COL5A1: variants seen among roughly 807,000 people sequenced by gnomAD.
The protein encoded by COL5A1 is collagen type V alpha 1 chain, also known as collagen alpha-1(V) chain.
A neutral mutation model predicts 263.7 loss-of-function variants in COL5A1; 16 were observed. The observed-to-expected ratio is 0.06, with a 90% CI of 0.04 to 0.09. COL5A1 has a LOEUF of 0.09. Ranked by LOEUF, COL5A1 falls within the 10% of genes least tolerant of loss-of-function variation. The pLI, the probability that COL5A1 is intolerant of heterozygous loss-of-function variation, is 1.00. For missense variants in COL5A1, 2,036 were observed against 2,540.5 expected (o/e 0.80, Z 4.27); for synonymous variants, 1,012 against 1,004.5 (o/e 1.01, Z -0.14).
chr9:134,784,485 C>T (rs559488145), intron 29 of COL5A1, among the ~76,000 whole-genome samples: 4 of 152,222 alleles, frequency 2.6e-5, no homozygotes, highest in African/African-American at 9.6e-5. Context: ...AATTTAAGCC[C>T]GTCTGTTCCT....
chr9:134,655,659 T>C (rs560691695), intron 1 of COL5A1, among the ~76,000 whole-genome samples: 376 of 152,192 alleles, frequency 2.5e-3, no homozygotes, highest in Non-Finnish European at 4.0e-3. Context: ...GTGGCCCCCA[T>C]GAGGTGACTT....
intron 26 of COL5A1, 141 bp downstream of exon 26, chr9:134,772,975 C>A: frequency 1.1e-6 from 1 of 874,226 alleles, no homozygotes; most frequent in Non-Finnish European, 1.9e-6. Flanking sequence ...GGTGTCTCCG[C>A]CAAGGGACCC....
At chr9:134,705,063 G>A (rs1447650428) in intron 4 of COL5A1, among the ~76,000 whole-genome samples, 3 of 152,134 alleles carry the variant, frequency 2.0e-5, no homozygotes, top group East Asian at 1.9e-4. Flanking sequence ...GACAACTTCC[G>A]CTCATTCAAA....
At chr9:134,702,171 C>T (rs572825626) in intron 4 of COL5A1, among the ~76,000 whole-genome samples, 27 of 152,290 alleles carry the variant, frequency 1.8e-4, no homozygotes, top group African/African-American at 4.6e-4. Context: ...TTGGGTTAGG[C>T]GGCAGCCAGG....
intron 64 of COL5A1, among the ~76,000 whole-genome samples, chr9:134,832,040 A>G (rs550843986): frequency 5.3e-5 from 8 of 152,084 alleles, no homozygotes; most frequent in African/African-American, 1.9e-4. Flanking sequence ...TCAGGCGGGC[A>G]GATTGCTTGA....
intron 57 of COL5A1, 53 bp downstream of exon 57, chr9:134,819,106 T>G: frequency 3.0e-5 from 47 of 1,544,908 alleles, no homozygotes; most frequent in Non-Finnish European, 4.2e-5. Flanking sequence ...TTCAAATTTG[T>G]GGCCGTGGGT....
chr9:134,695,648 G>A (rs1016000677), intron 2 of COL5A1, among the ~76,000 whole-genome samples: 1 of 152,172 alleles, frequency 6.6e-6, no homozygotes, highest in African/African-American at 2.4e-5. Context: ...TGAGAGGAGG[G>A]GGGTCCCATG....
At chr9:134,657,132 A>G (rs111665544) in intron 1 of COL5A1, among the ~76,000 whole-genome samples, 19 of 128 alleles carry the variant, frequency 0.15, no homozygotes, top group Admixed American at 0.22. Context: ...ATATGGGGGC[A>G]GGGTAGGGGG....
chr9:134,654,494 AGCTGGTGTGTGTAGG>A (rs1831848712), intron 1 of COL5A1, among the ~76,000 whole-genome samples: 1 of 19,260 alleles, frequency 5.2e-5, no homozygotes, highest in Non-Finnish European at 9.5e-5. Flanking sequence ...AGTTGTGTAG[AGCTGGTGTGTGTAGG>A]GCTGGAGGTG....
At chr9:134,694,066 CA>C (rs1833377412) in intron 2 of COL5A1, among the ~76,000 whole-genome samples, 1 of 152,202 alleles carries the variant, frequency 6.6e-6, no homozygotes, top group African/African-American at 2.4e-5. Context: ...CTGAGTGGAG[CA>C]AAAACAGTAT....
intron 1 of COL5A1, among the ~76,000 whole-genome samples, chr9:134,672,022 GGA>G (rs1832553431): frequency 6.6e-6 from 1 of 152,268 alleles, no homozygotes; most frequent in Non-Finnish European, 1.5e-5. Context: ...CCTGGGAAGT[GGA>G]GACATTCCTG....
chr9:134,644,588 G>GC (rs144467685), intron 1 of COL5A1, among the ~76,000 whole-genome samples: 13,885 of 128,468 alleles, frequency 0.11, 1,565 homozygotes, highest in Non-Finnish European at 0.12. Context: ...AGAGGCAGGC[G>GC]CGGGGGGGAG....
In COL5A1 at chr9:134,809,257, C is replaced by G. The variant is rs755982747; in HGVS notation, c.3441C>G (p.Gly1147=). 3 of 1,608,818 alleles carry G rather than the reference C, an allele frequency of 1.9e-6. No homozygotes were observed. ...CTGTGGGGCTCCCGGGTCCAGCTGG[C>G]CCTGTGGGTCCCCCTGGAGAAGACG... is the stretch of plus-strand genomic sequence containing the variant. ...QGPVGLPGPA[G]PVGPPGEDGD... The change falls in exon 43 of 66, where the codon GGC becomes GGG. Residue 1147 remains glycine (G), a synonymous_variant. Coordinates refer to ENST00000371817, the MANE Select transcript of COL5A1 (RefSeq NM_000093.5).
intron 4 of COL5A1, chr9:134,709,196 G>A (rs894574186): frequency 2.9e-5 from 10 of 349,764 alleles, no homozygotes; most frequent in African/African-American, 4.3e-5. Context: ...GGGGTTTTTC[G>A]TCTCTTAAAT....
chr9:134,654,564 TGTGTGTAGGGCTGGGG>T (rs1831856697), intron 1 of COL5A1, among the ~76,000 whole-genome samples: 10 of 23,162 alleles, frequency 4.3e-4, no homozygotes, highest in African/African-American at 1.1e-3. Flanking sequence ...TAGGGCTGGG[TGTGTGTAGGGCTGGGG>T]GTGTGTAGGG....
intron 42 of COL5A1, among the ~76,000 whole-genome samples, chr9:134,806,630 ACAGT>A (rs939051495): frequency 2.6e-5 from 4 of 152,190 alleles, no homozygotes; most frequent in Admixed American, 6.5e-5. Flanking sequence ...GGGGCCGAAG[ACAGT>A]CAGTGCGCTG....
rs543570689 is a variant in COL5A1 at position 134,741,198 on chromosome 9, C to A, written c.1494+2390C>A. On this transcript the variant is annotated intron_variant, in intron 11 of 65. Transcript: ENST00000371817. The surrounding 1 kb of genome is among the most constrained non-coding windows in gnomAD (Gnocchi z 4.5). ...CCTGCGGTGGGCCGGGCTCAGGTGC[C>A]TGTGCGGCGGAGAAACAACATTGTC... 6.6e-6 allele frequency among the ~76,000 whole-genome samples: 1 copy of A among 152,346 alleles called. No homozygotes were observed. The highest frequency in any genetic ancestry group is 2.1e-4 in the South Asian group (1 of 4,830).
At chr9:134,792,369 TTTTATTTA>T (rs369505493) in intron 32 of COL5A1, among the ~76,000 whole-genome samples, 1 of 151,904 alleles carries the variant, frequency 6.6e-6, no homozygotes, top group African/African-American at 2.4e-5. Context: ...CAGAGAGGTC[TTTTATTTA>T]TTTATTTATT....
At chr9:134,719,082 A>G (rs1167807285) in intron 4 of COL5A1, among the ~76,000 whole-genome samples, 5 of 152,182 alleles carry the variant, frequency 3.3e-5, no homozygotes, top group Non-Finnish European at 7.3e-5. Context: ...GCTTAGGACA[A>G]GCAGCCTCAA....
Sources: allele counts gnomAD v4.1 joint callset (sites outside exome capture counted in the v4.1 genomes callset), GRCh38; gene constraint gnomAD v4.1.1; non-coding constraint Gnocchi (gnomAD v3.1); transcripts MANE v1.5; gene names NCBI Gene and HGNC (gene_info 2026-07-23, HGNC 2026-07-21).